Variants in TMEM64 observed in about 807,000 individuals in gnomAD.
TMEM64 encodes the protein transmembrane protein 64.
A neutral mutation model predicts 24.5 loss-of-function variants in TMEM64; 19 were observed. That is an observed-to-expected ratio of 0.78 (90% CI 0.54 to 1.14). TMEM64 has a LOEUF of 1.14. Among genes scored for constraint, TMEM64 ranks in the 50% most tolerant of loss-of-function variants. The probability of loss-of-function intolerance (pLI) is 0.00; values close to 1 mark genes in which losing one functional copy is unlikely to be tolerated. For synonymous variants in TMEM64, 262 were observed against 224.7 expected, an observed-to-expected ratio of 1.17 and a Z score of -1.49; for missense variants, 487 against 493.0, an observed-to-expected ratio of 0.99 and a Z score of 0.12.
At chr8:90,631,512 CAG>C (rs779840021) in intron 2 of TMEM64, 38 bp downstream of exon 2, 4 of 1,442,230 alleles carry the variant, frequency 2.8e-6, no homozygotes, top group African/African-American at 1.4e-5. Flanking sequence ...CAAAAAGAAA[CAG>C]AGAGAAAAAA....
chr8:90,625,745 G>A lies in TMEM64; in HGVS notation c.1069C>T (p.Pro357Ser), dbSNP rs778149526. The A allele has an allele frequency of 2.5e-6, 4 of 1,613,818 alleles. No individual in the cohort carries two copies. Among genetic ancestry groups the A allele is most frequent in the Non-Finnish European group, 2.5e-6 (3 of 1,179,934 alleles). The change falls in exon 3 of 3, where the codon CCA (proline) becomes TCA (serine). Residue 357 changes from proline to serine, a missense_variant. Around this residue, in one of 3 missense-constraint regions of TMEM64, gnomAD observed 58 missense variants for 58.2 expected, o/e 1.00. Transcript: ENST00000458549. Reference protein sequence around the residue: ...LKSSLVKGNQPNTSGSSFYNK... With the variant: ...LKSSLVKGNQSNTSGSSFYNK... ...TAGAATGAAGAGCCACTGGTATTTG[G>A]TTGATTGCCTTTAACCAGAGAAGAT...
intron 1 of TMEM64, among the ~76,000 whole-genome samples, chr8:90,640,564 G>T (rs1445165386): frequency 6.6e-6 from 1 of 152,174 alleles, no homozygotes; most frequent in Non-Finnish European, 1.5e-5. Context: ...CTACAAAGGA[G>T]CTAAGACAGA....
intron 2 of TMEM64, among the ~76,000 whole-genome samples, chr8:90,627,102 C>T (rs73692314): frequency 0.037 from 5,616 of 152,100 alleles, 288 homozygotes; most frequent in African/African-American, 0.13. Flanking sequence ...AAAAGTGATA[C>T]GGAAATATAA....
intron 1 of TMEM64, among the ~76,000 whole-genome samples, chr8:90,636,070 C>A (rs1174789264): frequency 6.6e-6 from 1 of 152,162 alleles, no homozygotes; most frequent in Non-Finnish European, 1.5e-5. Flanking sequence ...CATGACCAAA[C>A]CTTACCCTTG....
In TMEM64 at chr8:90,622,024, A is replaced by T. The variant is rs1809291136; in HGVS notation, c.*3647T>A. 1 of 152,176 alleles carries T rather than the reference A, an allele frequency of 6.6e-6. No individual in the cohort carries two copies. Among genetic ancestry groups the T allele is most frequent in the African/African-American group, 2.4e-5 (1 of 41,448 alleles). The allele number at this position is 152,176 out of a possible 1,614,324, so 9.4% of individuals were successfully genotyped here. ...GTAAAATATTACCTTTTATTTTCTC[A>T]GGCACACAAGTGATTTGGATACCAA... On this transcript the variant is annotated 3_prime_UTR_variant, in exon 3 of 3. Coordinates refer to ENST00000458549, the MANE Select transcript of TMEM64 (RefSeq NM_001008495.4).
intron 2 of TMEM64, among the ~76,000 whole-genome samples, chr8:90,629,806 T>G (rs1395395275): frequency 6.6e-6 from 1 of 152,170 alleles, no homozygotes; most frequent in African/African-American, 2.4e-5. Flanking sequence ...AAATTTTTCT[T>G]AAAGCAAGTA....
intron 2 of TMEM64, among the ~76,000 whole-genome samples, chr8:90,626,433 A>G (rs1243776102): frequency 6.6e-6 from 1 of 152,204 alleles, no homozygotes; most frequent in Non-Finnish European, 1.5e-5. Context: ...AGGAAAAAAC[A>G]AAATCAGAGG....
Position 90,625,814 on chromosome 8 carries a change from C to T in TMEM64, c.1000G>A (p.Val334Met), listed in dbSNP as rs144616063. 4.2e-5 allele frequency: 68 copies of T among 1,613,686 alleles called. No individual in the cohort carries two copies. Among genetic ancestry groups the T allele is most frequent in the Non-Finnish European group, 5.6e-5 (66 of 1,179,856 alleles). The change falls in exon 3 of 3, where the codon GTG becomes ATG. Residue 334 changes from valine (V) to methionine (M), a missense_variant. Around this residue, in one of 3 missense-constraint regions of TMEM64, gnomAD observed 58 missense variants for 58.2 expected, o/e 1.00. Coordinates refer to ENST00000458549, the MANE Select transcript of TMEM64 (RefSeq NM_001008495.4). ...LMFYVVHRAQ[V>M]ELNAAIVACE... ...GCTACAATAGCTGCATTCAATTCCA[C>T]TTGAGCTCGATGAACTACATAAAAC... is the stretch of plus-strand genomic sequence containing the variant.
intron 2 of TMEM64, among the ~76,000 whole-genome samples, chr8:90,630,492 G>A (rs568673242): frequency 8.5e-5 from 13 of 152,158 alleles, no homozygotes; most frequent in South Asian, 2.1e-4. Context: ...CTTATTAGTC[G>A]GGACTTTAAA....
chr8:90,631,648 G>C lies in TMEM64; in HGVS notation c.855C>G (p.Thr285=). 6.2e-7 allele frequency: 1 copy of C among 1,613,764 alleles called. No homozygotes were observed. Among genetic ancestry groups the C allele is most frequent in the Non-Finnish European group, 8.5e-7 (1 of 1,179,718 alleles). The change falls in exon 2 of 3, where the codon ACC becomes ACG. Residue 285 remains threonine, a synonymous_variant. Coordinates refer to ENST00000458549, the MANE Select transcript of TMEM64 (RefSeq NM_001008495.4). ...TACCCAAGTAAGAATTCAGAAGCTG[G>C]GTAGGAAGCAGTCCAACCGAAGATG... ...LMASSVGLLP[T]QLLNSYLGTT... is the part of the protein sequence containing the mutation.
intron 1 of TMEM64, among the ~76,000 whole-genome samples, chr8:90,637,968 C>T (rs993881548): frequency 6.6e-5 from 10 of 152,170 alleles, no homozygotes; most frequent in African/African-American, 2.4e-4. Context: ...AGGCACATAG[C>T]TAATTCCTTA....
At chr8:90,635,779 C>T (rs1054587086) in intron 1 of TMEM64, among the ~76,000 whole-genome samples, 1 of 152,066 alleles carries the variant, frequency 6.6e-6, no homozygotes. Context: ...AATTATATTG[C>T]AGTTAATAAC....
At chr8:90,633,574 A>G (rs939975429) in intron 1 of TMEM64, among the ~76,000 whole-genome samples, 22 of 152,224 alleles carry the variant, frequency 1.4e-4, no homozygotes, top group African/African-American at 5.1e-4. Context: ...CTAGAAGTAG[A>G]ATTATTGGTT....
At position 90,645,096 on chromosome 8, in the gene TMEM64, C is replaced by G; in HGVS notation, c.795+15G>C. ...ACAGACTTGGAGAGGGATAGGCCAG[C>G]GGGACCCCACTTACCGAAAACACTG... On this transcript the variant is annotated intron_variant, in intron 1 of 2. Coordinates refer to ENST00000458549, the MANE Select transcript of TMEM64 (RefSeq NM_001008495.4). This position sits in a 1 kb window ranked among gnomAD's most constrained non-coding sequence, Gnocchi z 4.2. 1 of 1,590,068 alleles carries G rather than the reference C, an allele frequency of 6.3e-7. No individual in the cohort carries two copies. The highest frequency in any genetic ancestry group is 8.6e-7 in the Non-Finnish European group (1 of 1,164,444).
At chr8:90,634,039 A>G (rs1320045455) in intron 1 of TMEM64, among the ~76,000 whole-genome samples, 1 of 152,104 alleles carries the variant, frequency 6.6e-6, no homozygotes, top group African/African-American at 2.4e-5. Context: ...CACTGCATTT[A>G]GCTTTAGAAA....
chr8:90,629,235 A>G (rs1330101597), intron 2 of TMEM64, among the ~76,000 whole-genome samples: 1 of 152,246 alleles, frequency 6.6e-6, no homozygotes, highest in Non-Finnish European at 1.5e-5. Context: ...AGGCTAAGAA[A>G]TATGTGCTTT....
chr8:90,634,768 C>T (rs1809490177), intron 1 of TMEM64, among the ~76,000 whole-genome samples: 1 of 152,156 alleles, frequency 6.6e-6, no homozygotes, highest in South Asian at 2.1e-4. Context: ...AACTTTTCCA[C>T]ATCCCCATCT....
In TMEM64 at chr8:90,631,806, G is replaced by A. The variant is rs1038266569; in HGVS notation, c.796-99C>T. The stretch of plus-strand genomic sequence containing the variant: ...TAAGTCTAACTAGTGGTATTTCCTC[G>A]GGAAGGAGCTGACATCTTTACAACA... On this transcript the variant is annotated intron_variant, in intron 1 of 2. Coordinates refer to ENST00000458549, the MANE Select transcript of TMEM64 (RefSeq NM_001008495.4). 7 of 982,896 alleles carry A rather than the reference G, an allele frequency of 7.1e-6. No homozygotes were observed. In the East Asian group the frequency reaches 7.6e-5, roughly 11 times the overall value. The allele number at this position is 982,896 out of a possible 1,614,324, so 60.9% of individuals were successfully genotyped here. A position where few individuals can be genotyped will look rare whatever the true frequency, so the allele number is the denominator to read the frequency against.
chr8:90,628,506 G>A (rs1809393635), intron 2 of TMEM64, among the ~76,000 whole-genome samples: 1 of 152,216 alleles, frequency 6.6e-6, no homozygotes, highest in Non-Finnish European at 1.5e-5. Flanking sequence ...ATGTGGGGCA[G>A]TGTCGAGAAA....
Sources: gnomAD v4.1 joint callset for allele counts (sites outside exome capture counted in the v4.1 genomes callset) on GRCh38, gnomAD v4.1.1 for gene constraint, gnomAD v4.1.1 regional missense constraint, Gnocchi (gnomAD v3.1) non-coding constraint, MANE v1.5 for transcripts, NCBI Gene and HGNC (gene_info 2026-07-23, HGNC 2026-07-21) for gene names.